Variants in ARHGAP26 observed in about 807,000 individuals in gnomAD.
ARHGAP26 encodes rho GTPase-activating protein 26.
In ARHGAP26, 38 loss-of-function variants were observed where a neutral mutation model predicts 104.8. The observed-to-expected ratio is 0.36, with a 90% CI of 0.28 to 0.48. The LOEUF is 0.48. Ranked by LOEUF, ARHGAP26 falls within the 20% of genes least tolerant of loss-of-function variation. The pLI, the probability that ARHGAP26 is intolerant of heterozygous loss-of-function variation, is 0.99. For missense variants in ARHGAP26, 704 were observed against 947.9 expected (o/e 0.74, Z 3.38); for synonymous variants, 341 against 340.0 (o/e 1.00, Z -0.03).
At chr5:142,815,455 G>T (rs1764920256) in intron 1 of ARHGAP26, among the ~76,000 whole-genome samples, 1 of 152,230 alleles carries the variant, frequency 6.6e-6, no homozygotes, top group African/African-American at 2.4e-5. Flanking sequence ...CTTTTAAATG[G>T]AAAAGAGTAT....
Position 143,020,255 on chromosome 5 carries a change from A to C in ARHGAP26, c.1144+6139A>C, listed in dbSNP as rs577868816. Among the ~76,000 whole-genome samples, 6 of 152,080 alleles carry C rather than the reference A, an allele frequency of 3.9e-5. No individual in the cohort carries two copies. In the South Asian group the frequency reaches 1.2e-3, roughly 32 times the overall value. On this transcript the variant is annotated intron_variant, in intron 12 of 22. Transcript: ENST00000645722. ...GAGCCACCACGCCCAGCCTTCTGGG[A>C]GTTCTTAAGGGCAGGTGGCACTGAG...
intron 20 of ARHGAP26, among the ~76,000 whole-genome samples, chr5:143,198,270 CTTT>C (rs1164093335): frequency 4.6e-5 from 7 of 152,208 alleles, no homozygotes; most frequent in African/African-American, 1.7e-4. Context: ...CTATTCAGAT[CTTT>C]TGAGATAGCA....
At chr5:143,111,933 C>T (rs1794819838) in intron 17 of ARHGAP26, among the ~76,000 whole-genome samples, 1 of 152,140 alleles carries the variant, frequency 6.6e-6, no homozygotes, top group Non-Finnish European at 1.5e-5. Flanking sequence ...CGTGTTTAAC[C>T]CAGGTACCTA....
intron 1 of ARHGAP26, among the ~76,000 whole-genome samples, chr5:142,823,647 G>A (rs1317358827): frequency 2.0e-5 from 3 of 152,178 alleles, no homozygotes; most frequent in African/African-American, 7.2e-5. Flanking sequence ...TCAAGGTGTA[G>A]GACCAAGGGT....
intron 11 of ARHGAP26, among the ~76,000 whole-genome samples, chr5:142,962,763 T>G (rs936056895): frequency 6.6e-6 from 1 of 152,090 alleles, no homozygotes; most frequent in Admixed American, 6.6e-5. Context: ...GGGCACAACT[T>G]TTTCCACAAT....
intron 9 of ARHGAP26, 61 bp from the exon 10 acceptor site, chr5:142,913,138 T>C (rs1762052695): frequency 7.4e-7 from 1 of 1,351,866 alleles, no homozygotes; most frequent in African/African-American, 1.4e-5. Flanking sequence ...GTCATGTATG[T>C]CCTGGGAGGA....
chr5:142,832,720 G>A (rs1768726368), intron 1 of ARHGAP26, among the ~76,000 whole-genome samples: 1 of 152,080 alleles, frequency 6.6e-6, no homozygotes, highest in Admixed American at 6.5e-5. Context: ...CACTGTGTTG[G>A]GCATTGAGTT....
intron 1 of ARHGAP26, among the ~76,000 whole-genome samples, chr5:142,865,478 GTTTTTT>G (rs35950662): frequency 1.3e-4 from 15 of 117,222 alleles, no homozygotes; most frequent in East Asian, 2.9e-4. Context: ...ACACGGAGAA[GTTTTTT>G]TTTTTTTTTT....
intron 10 of ARHGAP26, among the ~76,000 whole-genome samples, chr5:142,918,427 G>T (rs1395684588): frequency 6.6e-6 from 1 of 152,218 alleles, no homozygotes; most frequent in African/African-American, 2.4e-5. Context: ...GATTACAGGT[G>T]TGAGCCACCG....
intron 20 of ARHGAP26, among the ~76,000 whole-genome samples, chr5:143,182,798 C>A (rs1290042244): frequency 6.6e-6 from 1 of 152,100 alleles, no homozygotes; most frequent in East Asian, 1.9e-4. Context: ...CGTTATCCAC[C>A]CAATTCTCAA....
chr5:143,141,933 T>G (rs920195209), intron 19 of ARHGAP26, among the ~76,000 whole-genome samples: 5 of 152,186 alleles, frequency 3.3e-5, no homozygotes, highest in African/African-American at 1.2e-4. Context: ...CCACAGTGAC[T>G]TCCCCATTCT....
intron 17 of ARHGAP26, among the ~76,000 whole-genome samples, chr5:143,088,913 AG>A (rs1206667087): frequency 1.3e-5 from 2 of 152,128 alleles, no homozygotes; most frequent in East Asian, 3.9e-4. Flanking sequence ...GGAATGAGTC[AG>A]GGGGTAGCAG....
chr5:143,012,551 A>ATATATATATATATG, intron 11 of ARHGAP26, among the ~76,000 whole-genome samples: 1 of 60,616 alleles, frequency 1.6e-5, no homozygotes, highest in Non-Finnish European at 4.4e-5. Context: ...ATACATACAT[A>ATATATATATATATG]CATATATATA....
intron 4 of ARHGAP26, among the ~76,000 whole-genome samples, chr5:142,881,477 T>G (rs530650534): frequency 6.6e-6 from 1 of 152,272 alleles, no homozygotes; most frequent in African/African-American, 2.4e-5. Context: ...ATTTAAGTAG[T>G]CACTCACCAA....
intron 20 of ARHGAP26, among the ~76,000 whole-genome samples, chr5:143,150,620 T>C (rs1799734889): frequency 6.6e-6 from 1 of 152,222 alleles, no homozygotes; most frequent in South Asian, 2.1e-4. Context: ...CTGGAATTCC[T>C]CTGGTACCAC....
chr5:143,140,399 C>G (rs1041441772), intron 19 of ARHGAP26, among the ~76,000 whole-genome samples: 12 of 152,152 alleles, frequency 7.9e-5, no homozygotes, highest in African/African-American at 2.9e-4. Context: ...CTTTCCTTTT[C>G]TGAGCCTCCA....
intron 1 of ARHGAP26, among the ~76,000 whole-genome samples, chr5:142,853,454 G>C (rs766265097): frequency 1.3e-5 from 2 of 152,284 alleles, no homozygotes; most frequent in South Asian, 2.1e-4. Context: ...GCCTCCCAAC[G>C]TGCTAGGATT....
intron 1 of ARHGAP26, among the ~76,000 whole-genome samples, chr5:142,838,260 AG>A (rs1482257930): frequency 9.0e-4 from 137 of 152,092 alleles, no homozygotes; most frequent in African/African-American, 3.2e-3. Context: ...TCCATCTAAA[AG>A]AAAAAAAAAA....
intron 17 of ARHGAP26, among the ~76,000 whole-genome samples, chr5:143,070,838 G>A (rs1598885220): frequency 1.3e-5 from 2 of 152,210 alleles, no homozygotes; most frequent in South Asian, 2.1e-4. Context: ...CTTAAACTGG[G>A]GACGCGGAGG....
Sources: gnomAD v4.1 joint callset for allele counts (sites outside exome capture counted in the v4.1 genomes callset) on GRCh38, gnomAD v4.1.1 for gene constraint, MANE v1.5 for transcripts, NCBI Gene and HGNC (gene_info 2026-07-23, HGNC 2026-07-21) for gene names.